The following SPATS2L variants were observed in gnomAD, a reference collection of about 807,000 sequenced individuals.
The protein encoded by SPATS2L is spermatogenesis associated serine rich 2 like.
A neutral mutation model predicts 59.6 loss-of-function variants in SPATS2L; 30 were observed. The observed-to-expected ratio is 0.50, with a 90% CI of 0.38 to 0.68. The LOEUF (loss-of-function observed/expected upper bound fraction) is 0.68. Ranked by LOEUF, SPATS2L falls within the 30% of genes least tolerant of loss-of-function variation. The probability of loss-of-function intolerance (pLI) is 0.00; values close to 1 mark genes in which losing one functional copy is unlikely to be tolerated. For missense variants in SPATS2L, 615 were observed against 700.0 expected, an observed-to-expected ratio of 0.88 and a Z score of 1.37; for synonymous variants, 252 against 263.5, an observed-to-expected ratio of 0.96 and a Z score of 0.42.
Position 200,343,063 on chromosome 2 carries a change from C to T in SPATS2L, c.-23+13583C>T, listed in dbSNP as rs78337326. Reference sequence around the variant, plus strand: ...TAAACTTCAGATGTAATTTTTTTGTCACTTCATTAAAATTTCAGACTACAA... The same window carrying T: ...TAAACTTCAGATGTAATTTTTTTGTTACTTCATTAAAATTTCAGACTACAA... On this transcript the variant is annotated intron_variant, in intron 2 of 12. Transcript: ENST00000409140. Among the ~76,000 whole-genome samples the T allele has an allele frequency of 7.1e-3, 1,086 of 152,262 alleles. 15 individuals are homozygous for T. Among genetic ancestry groups the T allele is most frequent in the African/African-American group, 0.025 (1,037 of 41,558 alleles).
Position 200,479,676 on chromosome 2 carries a change from T to C in SPATS2L, c.*1645T>C, listed in dbSNP as rs1182031479. 5.0e-5 allele frequency: 20 copies of C among 398,546 alleles called. No individual in the cohort carries two copies. In the East Asian group the frequency reaches 7.1e-4, roughly 14 times the overall value. 24.7% of individuals were successfully genotyped at this position (398,546 alleles called of 1,614,324 possible). The stretch of plus-strand genomic sequence containing the variant: ...GTTGCACTCACATGTCCTACATATC[T>C]GTTGACTACTCACAAGTGCAAATGC... On this transcript the variant is annotated 3_prime_UTR_variant, in exon 13 of 13. Transcript: ENST00000409140.
intron 8 of SPATS2L, among the ~76,000 whole-genome samples, chr2:200,457,233 C>T (rs1165756702): frequency 2.0e-5 from 3 of 148,938 alleles, no homozygotes; most frequent in Non-Finnish European, 3.0e-5. Context: ...TACACACACA[C>T]ACACACACAC....
chr2:200,378,676 T>G (rs1000975224), intron 2 of SPATS2L, among the ~76,000 whole-genome samples: 1 of 152,216 alleles, frequency 6.6e-6, no homozygotes, highest in East Asian at 1.9e-4. Flanking sequence ...TGTGAGTTTG[T>G]TGGAACAGAG....
chr2:200,418,442 T>C (rs1574452115), intron 5 of SPATS2L, among the ~76,000 whole-genome samples: 1 of 152,024 alleles, frequency 6.6e-6, no homozygotes, highest in East Asian at 1.9e-4. Context: ...CATGTGGTGG[T>C]GCATGCCTGT....
intron 2 of SPATS2L, among the ~76,000 whole-genome samples, chr2:200,343,373 A>G (rs911476781): frequency 6.6e-6 from 1 of 152,192 alleles, no homozygotes; most frequent in Non-Finnish European, 1.5e-5. Context: ...TGTAGTTAAC[A>G]TTCATCAGAA....
intron 8 of SPATS2L, among the ~76,000 whole-genome samples, chr2:200,444,898 A>G (rs1034991750): frequency 6.6e-6 from 1 of 151,646 alleles, no homozygotes. Flanking sequence ...TTTTTTAACT[A>G]TGGAAACTCA....
intron 2 of SPATS2L, among the ~76,000 whole-genome samples, chr2:200,360,880 G>A (rs957295888): frequency 5.3e-5 from 8 of 150,734 alleles, no homozygotes; most frequent in African/African-American, 2.0e-4. Context: ...CCTGAGGCTT[G>A]ATGCCATTGT....
intron 2 of SPATS2L, among the ~76,000 whole-genome samples, chr2:200,332,754 A>G (rs1368795279): frequency 6.8e-6 from 1 of 147,204 alleles, no homozygotes; most frequent in Non-Finnish European, 1.5e-5. Context: ...TTTGAAAAAA[A>G]AAAACTAAGT....
intron 1 of SPATS2L, among the ~76,000 whole-genome samples, chr2:200,313,610 A>G (rs1434857774): frequency 6.6e-6 from 1 of 152,170 alleles, no homozygotes; most frequent in African/African-American, 2.4e-5. Context: ...TAAGTCTTTC[A>G]TATTCTTTAT....
chr2:200,457,850 T>A (rs13024467), intron 8 of SPATS2L, among the ~76,000 whole-genome samples: 5,166 of 152,338 alleles, frequency 0.034, 94 homozygotes, highest in African/African-American at 0.044. Context: ...CACTTCTTAC[T>A]TTGACAAATA....
At position 200,406,408 on chromosome 2, in the gene SPATS2L, T is replaced by TAAA. The variant is rs1559103982; in HGVS notation, c.40-5903_40-5902insAAA. Among the ~76,000 whole-genome samples, 178 of 148,750 alleles carry TAAA rather than the reference T, an allele frequency of 1.2e-3. 1 individual carries two copies. The highest frequency in any genetic ancestry group is 4.4e-3 in the African/African-American group (177 of 40,054). On this transcript the variant is annotated intron_variant, in intron 3 of 12. Coordinates refer to ENST00000409140, the MANE Select transcript of SPATS2L (RefSeq NM_001100423.2). ...GAAACCCTCTCAAACTAGCACAAGT[T>TAAA]TAAAAAAAAAAAAAAAAAAGAGGTT...
chr2:200,455,373 G>A (rs994276359), intron 8 of SPATS2L, among the ~76,000 whole-genome samples: 2 of 152,194 alleles, frequency 1.3e-5, no homozygotes, highest in African/African-American at 4.8e-5. Context: ...AAGCAGAAGA[G>A]TTGTCTTCAA....
rs140060431 is a variant in SPATS2L at position 200,312,781 on chromosome 2, T to TG, written c.-73+5861dup. 3.4e-4 allele frequency among the ~76,000 whole-genome samples: 52 copies of TG among 152,300 alleles called. No individual in the cohort carries two copies. In the East Asian group the frequency reaches 6.6e-3, roughly 19 times the overall value. On this transcript the variant is annotated intron_variant, in intron 1 of 12. Transcript: ENST00000409140. ...AGGATGCAAACATTAGGTGGCCATATGGATTTTCAAGATTCCTTCCTAACA... is the reference window on the plus strand; with the variant it reads ...AGGATGCAAACATTAGGTGGCCATATGGGATTTTCAAGATTCCTTCCTAACA...
intron 6 of SPATS2L, among the ~76,000 whole-genome samples, chr2:200,433,313 C>T (rs987463101): frequency 2.2e-4 from 34 of 152,014 alleles, no homozygotes; most frequent in Non-Finnish European, 4.6e-4. Flanking sequence ...TTGAACAATA[C>T]TATCAACCAA....
intron 9 of SPATS2L, 117 bp from the exon 10 acceptor site, chr2:200,467,173 A>G: frequency 1.4e-6 from 1 of 722,670 alleles, no homozygotes; most frequent in South Asian, 1.8e-5. Context: ...CTCAGAAAAC[A>G]CAGTCGTGGT....
rs2081182537 is a variant in SPATS2L at position 200,363,733 on chromosome 2, A to C, written c.-22-25490A>C. Among the ~76,000 whole-genome samples the C allele has an allele frequency of 2.0e-5, 3 of 152,220 alleles. No individual in the cohort carries two copies. The South Asian group carries it at 6.2e-4, about 31-fold the overall frequency. The stretch of plus-strand genomic sequence containing the variant: ...ATTTCTACTGTCTGTTGTAGAGATG[A>C]CATAATAATGAAAAGTCTCATTTCA... On this transcript the variant is annotated intron_variant, in intron 2 of 12. Coordinates refer to ENST00000409140, the MANE Select transcript of SPATS2L (RefSeq NM_001100423.2).
chr2:200,425,922 T>C (rs1318203493), intron 6 of SPATS2L, among the ~76,000 whole-genome samples: 6 of 152,142 alleles, frequency 3.9e-5, no homozygotes, highest in Admixed American at 3.9e-4. Context: ...AAGGTCCCAC[T>C]GTGACGTAAG....
At chr2:200,375,511 C>G (rs1404139722) in intron 2 of SPATS2L, among the ~76,000 whole-genome samples, 2 of 152,120 alleles carry the variant, frequency 1.3e-5, no homozygotes, top group African/African-American at 4.8e-5. Context: ...TATGATTAGA[C>G]CTTGACTCTG....
intron 1 of SPATS2L, among the ~76,000 whole-genome samples, chr2:200,327,620 C>G (rs2079796379): frequency 6.6e-6 from 1 of 152,160 alleles, no homozygotes; most frequent in Non-Finnish European, 1.5e-5. Flanking sequence ...TTTGTCAACA[C>G]AACAATGTTT....
Sources: allele counts gnomAD v4.1 joint callset (sites outside exome capture counted in the v4.1 genomes callset), GRCh38; gene constraint gnomAD v4.1.1; transcripts MANE v1.5; gene names NCBI Gene and HGNC (gene_info 2026-07-23, HGNC 2026-07-21).